H2AC17: variants seen among roughly 807,000 people sequenced by gnomAD.
H2AC17 encodes H2A clustered histone 17.
A neutral mutation model predicts 6.3 loss-of-function variants in H2AC17; 10 were observed. The observed-to-expected ratio is 1.58, with a 90% CI of 0.97 to 2.68. The LOEUF is 2.68. Ranked by LOEUF, H2AC17 falls within the 30% of genes most tolerant of loss-of-function variation. H2AC17 has a pLI of 0.00. For synonymous variants in H2AC17, 138 were observed against 78.3 expected (o/e 1.76, Z -4.02); for missense variants, 207 against 176.0 (o/e 1.18, Z -1.00).
Position 27,893,085 on chromosome 6 carries a change from G to C in H2AC17, c.65C>G (p.Ala22Gly), listed in dbSNP as rs779831019. The change falls in exon 1 of 1, where the codon GCT becomes GGT. Residue 22 changes from alanine to glycine, a missense_variant. By Grantham distance (60) the Ala-to-Gly change is moderately conservative. Transcript: ENST00000359611. ...RAKAKTRSSR[A>G]GLQFPVGRVH... is the part of the protein sequence containing the mutation. ...TCGTCCTACAGGAAATTGGAGCCCA[G>C]CTCTAGAGGAGCGGGTTTTGGCCTT... is the stretch of plus-strand genomic sequence containing the variant. 1.9e-6 allele frequency: 3 copies of C among 1,613,320 alleles called. No homozygotes were observed. Among genetic ancestry groups the C allele is most frequent in the South Asian group, 2.2e-5 (2 of 91,048 alleles).
rs1264753054 is a variant in H2AC17, at chr6:27,892,742, T to C, written c.*15A>G. The C allele has an allele frequency of 6.2e-7, 1 of 1,611,982 alleles. No homozygotes were observed. The highest frequency in any genetic ancestry group is 8.5e-7 in the Non-Finnish European group (1 of 1,179,672). On this transcript the variant is annotated 3_prime_UTR_variant, in exon 1 of 1. Transcript: ENST00000359611. ...GCCTTTTGTCTTGTAAGTTTACATT[T>C]TTAAAGTTCAGCCCTTACTTGCCCT... is the stretch of plus-strand genomic sequence containing the variant.
chr6:27,892,802 C>A lies in H2AC17; in HGVS notation c.348G>T (p.Leu116=). 6.2e-7 allele frequency: 1 copy of A among 1,614,198 alleles called. No homozygotes were observed. The highest frequency in any genetic ancestry group is 8.5e-7 in the Non-Finnish European group (1 of 1,180,040). Reference sequence around the variant, plus strand: ...GGTGGCTCTCAGTCTTCTTGGGGAGCAGTACGGCCTGGATGTTAGGCAGAA... The same window carrying A: ...GGTGGCTCTCAGTCTTCTTGGGGAGAAGTACGGCCTGGATGTTAGGCAGAA... ...GGVLPNIQAV[L]LPKKTESHHK... The change falls in exon 1 of 1, where the codon CTG becomes CTT. Residue 116 remains leucine, a synonymous_variant. Transcript: ENST00000359611.
At position 27,892,889 on chromosome 6, in the gene H2AC17, G is replaced by T; in HGVS notation, c.261C>A (p.Ala87=). Residue 87 remains alanine (A), a synonymous_variant, in exon 1 of 1, where the codon GCC becomes GCA. Transcript: ENST00000359611. ...TRIIPRHLQL[A]IRNDEELNKL... ...TGTTGAGCTCCTCGTCGTTGCGGAT[G>T]GCCAGCTGCAAGTGGCGCGGGATGA... The T allele has an allele frequency of 6.2e-7, 1 of 1,614,200 alleles. No individual in the cohort carries two copies. Among genetic ancestry groups the T allele is most frequent in the Non-Finnish European group, 8.5e-7 (1 of 1,180,034 alleles).
rs936209349 is a variant in H2AC17 at position 27,892,919 on chromosome 6, G to T, written c.231C>A (p.Thr77=). 3 of 1,614,076 alleles carry T rather than the reference G, an allele frequency of 1.9e-6. No homozygotes were observed. In the East Asian group the frequency reaches 6.7e-5, roughly 36 times the overall value. The part of the protein sequence containing the change: ...AGNAARDNKK[T]RIIPRHLQLA... Reference sequence around the variant, plus strand: ...GCTGCAAGTGGCGCGGGATGATGCGGGTCTTTTTGTTGTCGCGGGCTGCGT... The same window carrying T: ...GCTGCAAGTGGCGCGGGATGATGCGTGTCTTTTTGTTGTCGCGGGCTGCGT... Residue 77 remains threonine (T), a synonymous_variant, in exon 1 of 1, where the codon ACC becomes ACA. Coordinates refer to ENST00000359611, the MANE Select transcript of H2AC17 (RefSeq NM_003514.2).
Position 27,893,119 on chromosome 6 carries a change from C to G in H2AC17, c.31G>C (p.Ala11Pro). ...GAGCGGGTTTTGGCCTTGGCGCGAGCCTTGCCGCCCTGCTTGCCACGTCCA... is the reference window on the plus strand; with the variant it reads ...GAGCGGGTTTTGGCCTTGGCGCGAGGCTTGCCGCCCTGCTTGCCACGTCCA... MSGRGKQGGKARAKAKTRSSR... is the reference protein window; with the variant it reads MSGRGKQGGKPRAKAKTRSSR... The change falls in exon 1 of 1, where the codon GCT (alanine) becomes CCT (proline). Residue 11 changes from alanine to proline, a missense_variant. Around this residue, in one of 3 missense-constraint regions of H2AC17, gnomAD observed 148 missense variants for 106.0 expected, o/e 1.40. Coordinates refer to ENST00000359611, the MANE Select transcript of H2AC17 (RefSeq NM_003514.2). The G allele has an allele frequency of 6.2e-7, 1 of 1,605,076 alleles. No individual in the cohort carries two copies.
rs747931055 is a variant in H2AC17, at chr6:27,892,779, T to G, written c.371A>C (p.His124Pro). 2 of 1,614,088 alleles carry G rather than the reference T, an allele frequency of 1.2e-6. No homozygotes were observed. Among genetic ancestry groups the G allele is most frequent in the Admixed American group, 3.3e-5 (2 of 60,008 alleles). Residue 124 changes from histidine (H) to proline (P), a missense_variant, in exon 1 of 1, where the codon CAC (histidine) becomes CCC (proline). Physicochemically the swap from His to Pro is moderately conservative, Grantham distance 77. This residue lies in a region of H2AC17 where 53 missense variants were observed against 47.3 expected (regional missense o/e 1.12). Transcript: ENST00000359611. ...AVLLPKKTES[H>P]HKAKGK is the part of the protein sequence containing the mutation. Reference sequence around the variant, plus strand: ...CCCTTACTTGCCCTTAGCTTTGTGGTGGCTCTCAGTCTTCTTGGGGAGCAG... The same window carrying G: ...CCCTTACTTGCCCTTAGCTTTGTGGGGGCTCTCAGTCTTCTTGGGGAGCAG...
At position 27,892,715 on chromosome 6, in the gene H2AC17, G is replaced by C; in HGVS notation, c.*42C>G. The C allele has an allele frequency of 6.2e-7, 1 of 1,605,740 alleles. No homozygotes were observed. The highest frequency in any genetic ancestry group is 1.1e-5 in the South Asian group (1 of 89,380). On this transcript the variant is annotated 3_prime_UTR_variant, in exon 1 of 1. Transcript: ENST00000359611. ...TAGAAATGGTGGGTGGCTCTGAAAAGAGCCTTTTGTCTTGTAAGTTTACAT... is the reference window on the plus strand; with the variant it reads ...TAGAAATGGTGGGTGGCTCTGAAAACAGCCTTTTGTCTTGTAAGTTTACAT...
chr6:27,893,056 G>A lies in H2AC17; in HGVS notation c.94C>T (p.His32Tyr), dbSNP rs906009534. The change falls in exon 1 of 1, where the codon CAC becomes TAC. Residue 32 changes from histidine to tyrosine, a missense_variant. His to Tyr is a moderately conservative substitution (Grantham distance 83). Transcript: ENST00000359611. ...AGLQFPVGRVHRLLRKGNYAE... is the reference protein window; with the variant it reads ...AGLQFPVGRVYRLLRKGNYAE... ...TAGTTGCCCTTGCGGAGCAGGCGGTGCACTCGTCCTACAGGAAATTGGAGC... is the reference window on the plus strand; with the variant it reads ...TAGTTGCCCTTGCGGAGCAGGCGGTACACTCGTCCTACAGGAAATTGGAGC... 1 of 1,614,026 alleles carries A rather than the reference G, an allele frequency of 6.2e-7. No homozygotes were observed. The highest frequency in any genetic ancestry group is 1.6e-4 in the Middle Eastern group (1 of 6,062).
At position 27,893,071 on chromosome 6, in the gene H2AC17, G is replaced by C. The variant is rs531786922; in HGVS notation, c.79C>G (p.Pro27Ala). 2 of 1,613,950 alleles carry C rather than the reference G, an allele frequency of 1.2e-6. No individual in the cohort carries two copies. Among genetic ancestry groups the C allele is most frequent in the South Asian group, 1.1e-5 (1 of 91,062 alleles). Residue 27 changes from proline to alanine, a missense_variant, in exon 1 of 1, where the codon CCT (proline) becomes GCT (alanine). By Grantham distance (27) the Pro-to-Ala change is conservative (BLOSUM62 -1). Transcript: ENST00000359611. ...TRSSRAGLQF[P>A]VGRVHRLLRK... is the part of the protein sequence containing the mutation. ...AGCAGGCGGTGCACTCGTCCTACAG[G>C]AAATTGGAGCCCAGCTCTAGAGGAG... is the stretch of plus-strand genomic sequence containing the variant.
Position 27,892,721 on chromosome 6 carries a change from T to C in H2AC17, c.*36A>G, listed in dbSNP as rs1554158428. 4 of 1,610,130 alleles carry C rather than the reference T, an allele frequency of 2.5e-6. No homozygotes were observed. Among genetic ancestry groups the C allele is most frequent in the South Asian group, 1.1e-5 (1 of 90,772 alleles). On this transcript the variant is annotated 3_prime_UTR_variant, in exon 1 of 1. Transcript: ENST00000359611. ...TGGTGGGTGGCTCTGAAAAGAGCCT[T>C]TTGTCTTGTAAGTTTACATTTTTAA...
Position 27,892,960 on chromosome 6 carries a change from G to A in H2AC17, c.190C>T (p.Leu64=), listed in dbSNP as rs369125137. ...CGGGCTGCGTTGCCCGCCAGCTCCA[G>A]GATCTCGGCAGTTAGGTACTCCAGC... ...AVLEYLTAEI[L]ELAGNAARDN... The change falls in exon 1 of 1, where the codon CTG becomes TTG. Residue 64 remains leucine, a synonymous_variant. Coordinates refer to ENST00000359611, the MANE Select transcript of H2AC17 (RefSeq NM_003514.2). The A allele has an allele frequency of 1.2e-6, 2 of 1,614,102 alleles. No homozygotes were observed. Among genetic ancestry groups the A allele is most frequent in the African/African-American group, 1.3e-5 (1 of 74,942 alleles).
chr6:27,892,811 C>G lies in H2AC17; in HGVS notation c.339G>C (p.Gln113His), dbSNP rs775748656. 14 of 1,614,096 alleles carry G rather than the reference C, an allele frequency of 8.7e-6. No individual in the cohort carries two copies. The highest frequency in any genetic ancestry group is 2.5e-6 in the Non-Finnish European group (3 of 1,180,048). ...IAQGGVLPNI[Q>H]AVLLPKKTES... ...CAGTCTTCTTGGGGAGCAGTACGGC[C>G]TGGATGTTAGGCAGAACACCGCCCT... The change falls in exon 1 of 1, where the codon CAG (glutamine) becomes CAC (histidine). Residue 113 changes from glutamine to histidine, a missense_variant. Around this residue, in one of 3 missense-constraint regions of H2AC17, gnomAD observed 53 missense variants for 47.3 expected, o/e 1.12. Coordinates refer to ENST00000359611, the MANE Select transcript of H2AC17 (RefSeq NM_003514.2).
In H2AC17 at chr6:27,892,785, TCA is replaced by T. The variant is rs746163530; in HGVS notation, c.363_364del (p.Ser123ProfsTer5). On this transcript the variant is annotated frameshift_variant, in exon 1 of 1. Coordinates refer to ENST00000359611, the MANE Select transcript of H2AC17 (RefSeq NM_003514.2). LOFTEE classifies it high-confidence loss of function. ...CTTGCCCTTAGCTTTGTGGTGGCTC[TCA>T]GTCTTCTTGGGGAGCAGTACGGCCT... 4.3e-6 allele frequency: 7 copies of T among 1,614,206 alleles called. No individual in the cohort carries two copies. The highest frequency in any genetic ancestry group is 5.9e-6 in the Non-Finnish European group (7 of 1,180,050).
rs1561948657 is a variant in H2AC17, at chr6:27,893,141, TC to T, written c.8del (p.Gly3AspfsTer26). 6.3e-7 allele frequency: 1 copy of T among 1,590,512 alleles called. No individual in the cohort carries two copies. Among genetic ancestry groups the T allele is most frequent in the Non-Finnish European group, 8.6e-7 (1 of 1,169,000 alleles). On this transcript the variant is annotated frameshift_variant, in exon 1 of 1. Coordinates refer to ENST00000359611, the MANE Select transcript of H2AC17 (RefSeq NM_003514.2). LOFTEE classifies it high-confidence loss of function. MS[G>X]RGKQGGKARA... The stretch of plus-strand genomic sequence containing the variant: ...GAGCCTTGCCGCCCTGCTTGCCACG[TC>T]CAGACATGGTAAAACGACCTGTGGC...
chr6:27,892,862 CTTG>C lies in H2AC17; in HGVS notation c.285_287del (p.Asn95del). The C allele has an allele frequency of 3.1e-6, 5 of 1,614,206 alleles. No individual in the cohort carries two copies. The South Asian group carries it at 3.3e-5, about 11-fold the overall frequency. On this transcript the variant is annotated inframe_deletion, in exon 1 of 1. Coordinates refer to ENST00000359611, the MANE Select transcript of H2AC17 (RefSeq NM_003514.2). ...GAGCGATGGTAACTTTACCAAGCAGCTTGTTGAGCTCCTCGTCGTTGCGGATGG... is the reference window on the plus strand; with the variant it reads ...GAGCGATGGTAACTTTACCAAGCAGCTTGAGCTCCTCGTCGTTGCGGATGG...
rs778210635 is a variant in H2AC17, at chr6:27,892,873, C to A, written c.277G>T (p.Glu93Ter). Residue 93 changes from glutamate to a stop codon, truncating the protein, a stop_gained, in exon 1 of 1, where the codon GAG becomes TAG. Coordinates refer to ENST00000359611, the MANE Select transcript of H2AC17 (RefSeq NM_003514.2). LOFTEE classifies it high-confidence loss of function. Reference protein sequence around the residue: ...HLQLAIRNDEELNKLLGKVTI... With the variant: ...HLQLAIRNDE ...ACTTTACCAAGCAGCTTGTTGAGCT[C>A]CTCGTCGTTGCGGATGGCCAGCTGC... The A allele has an allele frequency of 6.2e-7, 1 of 1,614,234 alleles. No individual in the cohort carries two copies. The highest frequency in any genetic ancestry group is 2.2e-5 in the East Asian group (1 of 44,876).
In H2AC17 at chr6:27,892,710, G is replaced by GA; in HGVS notation, c.*46dup. 6.2e-7 allele frequency: 1 copy of GA among 1,606,418 alleles called. No individual in the cohort carries two copies. Among genetic ancestry groups the GA allele is most frequent in the Non-Finnish European group, 8.5e-7 (1 of 1,175,522 alleles). On this transcript the variant is annotated 3_prime_UTR_variant, in exon 1 of 1. Transcript: ENST00000359611. ...TTCCGTAGAAATGGTGGGTGGCTCT[G>GA]AAAAGAGCCTTTTGTCTTGTAAGTT...
chr6:27,892,720 T>C lies in H2AC17; in HGVS notation c.*37A>G. On this transcript the variant is annotated 3_prime_UTR_variant, in exon 1 of 1. Transcript: ENST00000359611. Reference sequence around the variant, plus strand: ...ATGGTGGGTGGCTCTGAAAAGAGCCTTTTGTCTTGTAAGTTTACATTTTTA... The same window carrying C: ...ATGGTGGGTGGCTCTGAAAAGAGCCCTTTGTCTTGTAAGTTTACATTTTTA... The C allele has an allele frequency of 3.7e-6, 6 of 1,610,490 alleles. No individual in the cohort carries two copies. The highest frequency in any genetic ancestry group is 5.1e-6 in the Non-Finnish European group (6 of 1,178,062).
In H2AC17 at chr6:27,893,033, GT is replaced by G. The variant is rs762293268; in HGVS notation, c.116del (p.Asn39ThrfsTer21). Reference sequence around the variant, plus strand: ...CGCCGGCCCCGACCCGCTCAGCGTAGTTGCCCTTGCGGAGCAGGCGGTGCAC... The same window carrying G: ...CGCCGGCCCCGACCCGCTCAGCGTAGTGCCCTTGCGGAGCAGGCGGTGCAC... ...GRVHRLLRKG[N>X]YAERVGAGAP... is the part of the protein sequence containing the mutation. On this transcript the variant is annotated frameshift_variant, in exon 1 of 1. Transcript: ENST00000359611. LOFTEE classifies it high-confidence loss of function. 5.6e-6 allele frequency: 9 copies of G among 1,614,106 alleles called. No individual in the cohort carries two copies. In the East Asian group the frequency reaches 2.0e-4, roughly 36 times the overall value.
Sources: gnomAD v4.1 joint callset for allele counts on GRCh38, gnomAD v4.1.1 for gene constraint, gnomAD v4.1.1 regional missense constraint, MANE v1.5 for transcripts, NCBI Gene and HGNC (gene_info 2026-07-23, HGNC 2026-07-21) for gene names.